The following ZP3 variants were observed in gnomAD, a reference collection of about 807,000 sequenced individuals.
ZP3 encodes zona pellucida sperm-binding protein 3.
ZP3 carries 21 observed loss-of-function variants against 35.6 expected under a neutral mutation model. The observed-to-expected ratio is 0.59, with a 90% CI of 0.42 to 0.85. ZP3 has a LOEUF of 0.85. Ranked by LOEUF, ZP3 falls within the 40% of genes least tolerant of loss-of-function variation. The pLI, the probability that ZP3 is intolerant of heterozygous loss-of-function variation, is 0.00. For synonymous variants in ZP3, 207 were observed against 214.5 expected (o/e 0.96, Z 0.31); for missense variants, 437 against 536.5 (o/e 0.81, Z 1.83).
intron 1 of ZP3, chr7:76,401,111 AC>A (rs1228025540): frequency 4.1e-6 from 6 of 1,469,482 alleles, no homozygotes; most frequent in Admixed American, 2.4e-5. Flanking sequence ...CCAGGAACAC[AC>A]CCCCCAACTC....
chr7:76,416,303 C>T (rs1245332668), intron 1 of ZP3, among the ~76,000 whole-genome samples: 1 of 151,394 alleles, frequency 6.6e-6, no homozygotes, highest in Non-Finnish European at 1.5e-5. Context: ...GTGGCGCACA[C>T]CTATAGTCCT....
rs574282020 is a variant in ZP3, at chr7:76,440,906, T to C, written c.1060+295T>C. ...AGATAATCTGGCTTGGCATAGTGGC[T>C]CAGGCCTGTAATCCCAGCACTTCGG... On this transcript the variant is annotated intron_variant, in intron 7 of 7. Coordinates refer to ENST00000394857, the MANE Select transcript of ZP3 (RefSeq NM_001110354.2). Among the ~76,000 whole-genome samples, 3 of 152,272 alleles carry C rather than the reference T, an allele frequency of 2.0e-5. No homozygotes were observed. The East Asian group carries it at 5.8e-4, about 29-fold the overall frequency.
At chr7:76,429,303 C>A (rs767904735) in intron 1 of ZP3, 33 of 547,246 alleles carry the variant, frequency 6.0e-5, no homozygotes, top group Non-Finnish European at 1.1e-4. Context: ...TGGGGTCTTG[C>A]TATGTTTCCC....
In ZP3 at chr7:76,433,003, C is replaced by T. The variant is rs1200837042; in HGVS notation, c.508C>T (p.Leu170=). 1 of 1,614,102 alleles carries T rather than the reference C, an allele frequency of 6.2e-7. No individual in the cohort carries two copies. The change falls in exon 3 of 8, where the codon CTG becomes TTG. Residue 170 remains leucine, a synonymous_variant. Transcript: ENST00000394857. ...GACCACGGTGTTCTCAGAGGAGAAG[C>T]TGACTTTCTCTCTGCGTCTGATGGA... ...FRTTVFSEEK[L]TFSLRLMEEN...
At chr7:76,411,635 A>C (rs1805246670) in intron 1 of ZP3, among the ~76,000 whole-genome samples, 1 of 152,152 alleles carries the variant, frequency 6.6e-6, no homozygotes, top group Non-Finnish European at 1.5e-5. Flanking sequence ...AAAAAAAAAT[A>C]GTTGGTGATA....
At chr7:76,432,195 T>G (rs1050875886) in intron 2 of ZP3, among the ~76,000 whole-genome samples, 1 of 147,684 alleles carries the variant, frequency 6.8e-6, no homozygotes, top group African/African-American at 2.5e-5. Context: ...TCTTTTCTTT[T>G]CTTTTTTTTT....
intron 1 of ZP3, among the ~76,000 whole-genome samples, chr7:76,402,182 A>AT (rs57389874): frequency 0.069 from 8,764 of 127,176 alleles, 416 homozygotes; most frequent in East Asian, 0.15. Context: ...CTGCCCAGCT[A>AT]TTTTTTTTTT....
intron 2 of ZP3, among the ~76,000 whole-genome samples, chr7:76,430,336 G>A (rs185165115): frequency 1.6e-3 from 247 of 152,354 alleles, no homozygotes; most frequent in African/African-American, 5.5e-3. Context: ...GCCCTGAAGT[G>A]GGAGGAGAAA....
intron 1 of ZP3, chr7:76,400,211 C>T: frequency 7.2e-7 from 1 of 1,381,220 alleles, no homozygotes; most frequent in East Asian, 2.7e-5. Flanking sequence ...TGGGAAGTCC[C>T]TTCATTTATC....
chr7:76,423,025 G>GAGAGAGAGAGAGAA (rs1278384225), upstream of ZP3, among the ~76,000 whole-genome samples: 220 of 75,814 alleles, frequency 2.9e-3, no homozygotes, highest in Middle Eastern at 0.013. Flanking sequence ...GAGAGAGAGA[G>GAGAGAGAGAGAGAA]AGAAAGAAAG....
chr7:76,424,954 C>G lies in ZP3; in HGVS notation c.-11C>G, dbSNP rs1018142805. The G allele has an allele frequency of 6.6e-7, 1 of 1,519,984 alleles. No homozygotes were observed. The highest frequency in any genetic ancestry group is 2.5e-5 in the East Asian group (1 of 40,464). 94.2% of individuals were successfully genotyped at this position (1,519,984 alleles called of 1,614,324 possible). ...TGGCCAGAGGCGGCTGCCTGCTGCTCTGCAGGTACCATGGAGCTGAGCTAT... is the reference window on the plus strand; with the variant it reads ...TGGCCAGAGGCGGCTGCCTGCTGCTGTGCAGGTACCATGGAGCTGAGCTAT... On this transcript the variant is annotated 5_prime_UTR_variant, in exon 1 of 8. Coordinates refer to ENST00000394857, the MANE Select transcript of ZP3 (RefSeq NM_001110354.2).
intron 1 of ZP3, among the ~76,000 whole-genome samples, chr7:76,398,512 C>T (rs989094658): frequency 6.6e-6 from 1 of 152,106 alleles, no homozygotes; most frequent in East Asian, 1.9e-4. Context: ...ACCATGTTGG[C>T]CAGTCTGGTC....
intron 1 of ZP3, among the ~76,000 whole-genome samples, chr7:76,418,804 G>A (rs1056940510): frequency 6.2e-5 from 9 of 146,326 alleles, no homozygotes; most frequent in African/African-American, 1.5e-4. Flanking sequence ...TGCAATGAGC[G>A]GAGATCGCGC....
chr7:76,429,155 A>G (rs964162968), intron 1 of ZP3: 4 of 272,630 alleles, frequency 1.5e-5, no homozygotes, highest in Non-Finnish European at 2.2e-5. Context: ...GTTACATGGT[A>G]TCTGCCATGT....
At chr7:76,427,216 G>A (rs899721145) in intron 1 of ZP3, among the ~76,000 whole-genome samples, 1 of 151,970 alleles carries the variant, frequency 6.6e-6, no homozygotes, top group East Asian at 1.9e-4. Context: ...GTTTTGCCCG[G>A]TGAGAATCAC....
intron 4 of ZP3, 157 bp from the exon 5 acceptor site, chr7:76,433,881 T>C: frequency 3.9e-6 from 4 of 1,026,012 alleles, no homozygotes; most frequent in Non-Finnish European, 5.7e-6. Context: ...GTATTTTTAG[T>C]AGAGACAAGG....
chr7:76,403,143 T>A (rs1804883436), intron 1 of ZP3, among the ~76,000 whole-genome samples: 2 of 152,300 alleles, frequency 1.3e-5, no homozygotes, highest in South Asian at 4.1e-4. Context: ...TTCTTCATCA[T>A]GCAGTTCTGA....
chr7:76,411,014 A>G (rs1242721873), intron 1 of ZP3, among the ~76,000 whole-genome samples: 26 of 44,094 alleles, frequency 5.9e-4, no homozygotes, highest in Non-Finnish European at 1.1e-3. Flanking sequence ...AAAAAAAAAA[A>G]AAAGAAAAGA....
At position 76,434,081 on chromosome 7, in the gene ZP3, G is replaced by T. The variant is rs536596725; in HGVS notation, c.757G>T (p.Val253Phe). 295 of 1,431,448 alleles carry T rather than the reference G, an allele frequency of 2.1e-4. 22 individuals carry two copies. In the South Asian group the frequency reaches 3.6e-3, roughly 17 times the overall value. The allele number at this position is 1,431,448 out of a possible 1,614,324, so 88.7% of individuals were successfully genotyped here. The stretch of plus-strand genomic sequence containing the variant: ...CACTGATGCCTCTTCTGCATTCAAA[G>T]TTCCTCGACCCGGGCCAGATACACT... ...GLTDASSAFK[V>F]PRPGPDTLQF... Residue 253 changes from valine to phenylalanine, a missense_variant, in exon 5 of 8, where the codon GTT becomes TTT. By Grantham distance (50) the Val-to-Phe change is conservative (BLOSUM62 -1). This residue lies in a region of ZP3 where 26 missense variants were observed against 78.2 expected (regional missense o/e 0.33). Transcript: ENST00000394857.
Sources: gnomAD v4.1 joint callset for allele counts (sites outside exome capture counted in the v4.1 genomes callset) on GRCh38, gnomAD v4.1.1 for gene constraint, gnomAD v4.1.1 regional missense constraint, MANE v1.5 for transcripts, NCBI Gene and HGNC (gene_info 2026-07-23, HGNC 2026-07-21) for gene names.